WWP1: variants seen among roughly 807,000 people sequenced by gnomAD.
The protein encoded by WWP1 is NEDD4-like E3 ubiquitin-protein ligase WWP1.
Under a neutral mutation model 130.6 loss-of-function variants are expected in WWP1, and 49 were observed. That is an observed-to-expected ratio of 0.38 (90% CI 0.30 to 0.48). The LOEUF (loss-of-function observed/expected upper bound fraction) is 0.48, where lower values mean the gene tolerates loss of function less well. WWP1 is among the 20% of genes least tolerant of loss of function. WWP1 has a pLI of 0.99. For missense variants in WWP1, 809 were observed against 1,100.6 expected, an observed-to-expected ratio of 0.74 and a Z score of 3.75; for synonymous variants, 332 against 367.8, an observed-to-expected ratio of 0.90 and a Z score of 1.11.
Position 86,370,855 on chromosome 8 carries a change from C to CTTTTTTTTTTTTTTTTTTT in WWP1, c.-22+1834_-22+1852dup, listed in dbSNP as rs555585296. Among the ~76,000 whole-genome samples, 9 of 44,862 alleles carry CTTTTTTTTTTTTTTTTTTT rather than the reference C, an allele frequency of 2.0e-4. 3 individuals are homozygous for CTTTTTTTTTTTTTTTTTTT. The highest frequency in any genetic ancestry group is 3.1e-4 in the African/African-American group (3 of 9,634). The allele number at this position is 44,862 out of a possible 152,430, so 29.4% of individuals were successfully genotyped here. A position where few individuals can be genotyped will look rare whatever the true frequency, so the allele number is the denominator to read the frequency against. ...GGTATTGCTTATAGCTATATTCATT[C>CTTTTTTTTTTTTTTTTTTT]TTTTTTTTTTTTTTTTTTTTTTTTT... On this transcript the variant is annotated intron_variant, in intron 2 of 24. Transcript: ENST00000517970.
chr8:86,388,095 G>A (rs888593220), intron 5 of WWP1, among the ~76,000 whole-genome samples: 1 of 150,572 alleles, frequency 6.6e-6, no homozygotes, highest in African/African-American at 2.4e-5. Context: ...GCTGGCTACT[G>A]TATTGGTCAG....
At chr8:86,409,256 C>T (rs537584071) in intron 8 of WWP1, among the ~76,000 whole-genome samples, 5 of 107,708 alleles carry the variant, frequency 4.6e-5, no homozygotes, top group Admixed American at 1.2e-4. Context: ...TTTCTTCAGA[C>T]GGAGTCTTGC....
intron 1 of WWP1, among the ~76,000 whole-genome samples, chr8:86,367,397 C>CTCTT (rs1362131674): frequency 1.3e-5 from 2 of 152,066 alleles, no homozygotes; most frequent in Admixed American, 6.6e-5. Flanking sequence ...TTCTTTCTTT[C>CTCTT]TCTTTCTTTC....
At chr8:86,373,529 TTTG>T (rs957459796) in intron 2 of WWP1, among the ~76,000 whole-genome samples, 2 of 152,154 alleles carry the variant, frequency 1.3e-5, no homozygotes, top group African/African-American at 2.4e-5. Context: ...GATAGAGATT[TTTG>T]TTGTTGTTGA....
At chr8:86,461,495 G>A (rs1811764759) in intron 23 of WWP1, 175 bp downstream of exon 23, 3 of 647,922 alleles carry the variant, frequency 4.6e-6, no homozygotes, top group Admixed American at 2.9e-5. Context: ...AGACAAAAAT[G>A]AATGTGTCCT....
At chr8:86,451,418 A>ATT (rs1453022744) in intron 20 of WWP1, among the ~76,000 whole-genome samples, 3 of 152,148 alleles carry the variant, frequency 2.0e-5, no homozygotes, top group African/African-American at 7.2e-5. Context: ...ATTTGGTTGA[A>ATT]TAGAAGGTGA....
chr8:86,425,282 C>A lies in WWP1; in HGVS notation c.1121C>A (p.Thr374Asn). ...RTYYVDHNTRTTTWERPQPLP... is the reference protein window; with the variant it reads ...RTYYVDHNTRNTTWERPQPLP... ...TATTATGTGGATCATAATACTCGAA[C>A]TACCACATGGGAGAGACCACAACCT... is the stretch of plus-strand genomic sequence containing the variant. The change falls in exon 10 of 25, where the codon ACT (threonine) becomes AAT (asparagine). Residue 374 changes from threonine (T) to asparagine (N), a missense_variant. Physicochemically the swap from Thr to Asn is moderately conservative, Grantham distance 65 (BLOSUM62 0). Transcript: ENST00000517970. 15 of 1,613,394 alleles carry A rather than the reference C, an allele frequency of 9.3e-6. No individual in the cohort carries two copies. Among genetic ancestry groups the A allele is most frequent in the Non-Finnish European group, 1.3e-5 (15 of 1,179,616 alleles).
At chr8:86,386,088 C>T (rs1825267602) in intron 5 of WWP1, among the ~76,000 whole-genome samples, 2 of 152,200 alleles carry the variant, frequency 1.3e-5, no homozygotes, top group African/African-American at 4.8e-5. Context: ...CTGCTTACAT[C>T]TTCATACCCT....
At chr8:86,372,414 C>T (rs145636948) in intron 2 of WWP1, among the ~76,000 whole-genome samples, 22,343 of 152,190 alleles carry the variant, frequency 0.15, 1,797 homozygotes, top group Non-Finnish European at 0.19. Context: ...CCCGCCTTGG[C>T]CTGCCAAAGT....
At chr8:86,397,949 A>G (rs1022044147) in intron 5 of WWP1, among the ~76,000 whole-genome samples, 2 of 152,156 alleles carry the variant, frequency 1.3e-5, no homozygotes, top group African/African-American at 2.4e-5. Flanking sequence ...AGATGTTTGA[A>G]TAAGTTACTC....
intron 12 of WWP1, 68 bp downstream of exon 12, chr8:86,430,819 A>ATGTTCCT: frequency 1.9e-6 from 1 of 536,902 alleles, no homozygotes; most frequent in Non-Finnish European, 2.5e-6. Context: ...ATATATATAT[A>ATGTTCCT]TATATATATA....
chr8:86,398,632 C>T lies in WWP1; in HGVS notation c.533C>T (p.Thr178Ile). ...AATGGAGAGCCTTCAGCAAGGACAACTGCCAGGTAGAATATTTTATTTGAA... is the reference window on the plus strand; with the variant it reads ...AATGGAGAGCCTTCAGCAAGGACAATTGCCAGGTAGAATATTTTATTTGAA... ...HENGEPSARTTARLAVEGTNG... is the reference protein window; with the variant it reads ...HENGEPSARTIARLAVEGTNG... Residue 178 changes from threonine (T) to isoleucine (I), a missense_variant, in exon 7 of 25, where the codon ACT becomes ATT. Around this residue, in one of 3 missense-constraint regions of WWP1, gnomAD observed 262 missense variants for 346.0 expected, o/e 0.76. Coordinates refer to ENST00000517970, the MANE Select transcript of WWP1 (RefSeq NM_007013.4). 1 of 1,611,934 alleles carries T rather than the reference C, an allele frequency of 6.2e-7. No individual in the cohort carries two copies. The highest frequency in any genetic ancestry group is 8.5e-7 in the Non-Finnish European group (1 of 1,179,664).
chr8:86,392,991 A>G (rs1807441170), intron 5 of WWP1, among the ~76,000 whole-genome samples: 1 of 151,548 alleles, frequency 6.6e-6, no homozygotes, highest in East Asian at 1.9e-4. Flanking sequence ...TATTTGCCAC[A>G]TTATTAGATA....
At chr8:86,443,280 C>T (rs1411390605) in intron 18 of WWP1, among the ~76,000 whole-genome samples, 1 of 151,990 alleles carries the variant, frequency 6.6e-6, no homozygotes, top group Non-Finnish European at 1.5e-5. Context: ...CATCATGTTG[C>T]CCAGGCTGGT....
intron 1 of WWP1, among the ~76,000 whole-genome samples, chr8:86,362,900 T>C (rs887257146): frequency 7.9e-5 from 12 of 152,228 alleles, no homozygotes; most frequent in Non-Finnish European, 1.6e-4. Context: ...CAGGACTATC[T>C]GCATTTTTCT....
intron 21 of WWP1, 83 bp from the exon 22 acceptor site, chr8:86,457,838 T>C (rs1161349273): frequency 7.6e-7 from 1 of 1,314,088 alleles, no homozygotes; most frequent in African/African-American, 1.5e-5. Context: ...GCCATGTGCA[T>C]AACTGCATTA....
intron 9 of WWP1, among the ~76,000 whole-genome samples, chr8:86,413,972 G>GT (rs1563509807): frequency 6.6e-6 from 1 of 152,150 alleles, no homozygotes; most frequent in African/African-American, 2.4e-5. Flanking sequence ...GTTCAAAACA[G>GT]TAAGTACATA....
chr8:86,398,844 CT>C (rs999639619), intron 7 of WWP1, among the ~76,000 whole-genome samples: 33 of 152,232 alleles, frequency 2.2e-4, no homozygotes, highest in African/African-American at 7.2e-4. Context: ...ATGAAATTCA[CT>C]TTTTAAAAGT....
rs983001000 is a variant in WWP1 at position 86,460,822 on chromosome 8, T to G, written c.2500-402T>G. 8.4e-5 allele frequency among the ~76,000 whole-genome samples: 6 copies of G among 71,654 alleles called. No individual in the cohort carries two copies. The South Asian group carries it at 2.8e-3, about 34-fold the overall frequency. The allele number at this position is 71,654 out of a possible 152,430, so 47.0% of individuals were successfully genotyped here. On this transcript the variant is annotated intron_variant, in intron 22 of 24. Transcript: ENST00000517970. ...TTTTTTTTTTTTTTTTTTTTTTTTT[T>G]TTTTTGAGACAGAGTCTTGCTCTGT...
Sources: allele counts gnomAD v4.1 joint callset (sites outside exome capture counted in the v4.1 genomes callset), GRCh38; gene constraint gnomAD v4.1.1; regional missense constraint gnomAD v4.1.1; transcripts MANE v1.5; gene names NCBI Gene and HGNC (gene_info 2026-07-23, HGNC 2026-07-21).